Variants in MYO5B observed in about 807,000 individuals in gnomAD.
MYO5B encodes the protein myosin VB, also known as unconventional myosin-Vb.
Under a neutral mutation model 229.3 loss-of-function variants are expected in MYO5B, and 143 were observed. The ratio of observed to expected loss-of-function variants is 0.62; its 90% confidence interval spans 0.54 to 0.72. The LOEUF (loss-of-function observed/expected upper bound fraction) is 0.72, where lower values mean the gene tolerates loss of function less well. Among genes scored for constraint, MYO5B ranks in the 30% least tolerant of loss-of-function variants. The probability of loss-of-function intolerance (pLI) is 0.00; values close to 1 mark genes in which losing one functional copy is unlikely to be tolerated. For missense variants in MYO5B, 2,321 were observed against 2,331.0 expected (o/e 1.00, Z 0.09); for synonymous variants, 918 against 885.2 (o/e 1.04, Z -0.66).
Position 49,864,174 on chromosome 18 carries a change from G to C in MYO5B, c.3810C>G (p.Ser1270Arg), listed in dbSNP as rs762644280. The change falls in exon 28 of 40, where the codon AGC becomes AGG. Residue 1270 changes from serine (S) to arginine (R), a missense_variant. Ser to Arg is a moderately radical substitution (Grantham distance 110). Around this residue, in one of 2 missense-constraint regions of MYO5B, gnomAD observed 2,113 missense variants for 2,044.7 expected, o/e 1.03. Coordinates refer to ENST00000285039, the MANE Select transcript of MYO5B (RefSeq NM_001080467.3). ...EVLILRTQIV[S>R]ADQRRLAGRN... Reference sequence around the variant, plus strand: ...TGCCGGCGAGTCGCCGCTGGTCGGCGCTCACGATCTGGGTCCTGAGGATGA... The same window carrying C: ...TGCCGGCGAGTCGCCGCTGGTCGGCCCTCACGATCTGGGTCCTGAGGATGA... 6.8e-6 allele frequency: 11 copies of C among 1,611,544 alleles called. No individual in the cohort carries two copies. The highest frequency in any genetic ancestry group is 9.3e-6 in the Non-Finnish European group (11 of 1,179,996).
chr18:50,087,107 C>T lies in MYO5B; in HGVS notation c.28-31729G>A, dbSNP rs2031346531. ...CACTCCTCAATACCAGAACATGCAG[C>T]CATGGACATGTCCTATTTCAGCTCT... is the stretch of plus-strand genomic sequence containing the variant. On this transcript the variant is annotated intron_variant, in intron 1 of 39. Transcript: ENST00000285039. Among the ~76,000 whole-genome samples the T allele has an allele frequency of 2.0e-5, 3 of 152,268 alleles. No individual in the cohort carries two copies. The South Asian group carries it at 6.2e-4, about 32-fold the overall frequency.
intron 1 of MYO5B, among the ~76,000 whole-genome samples, chr18:50,158,772 C>A (rs756919113): frequency 6.6e-6 from 1 of 152,186 alleles, no homozygotes; most frequent in Non-Finnish European, 1.5e-5. Flanking sequence ...CCATTATGGT[C>A]TCCCTAAGGA....
intron 15 of MYO5B, 65 bp downstream of exon 15, chr18:49,937,180 T>G (rs2025259986): frequency 1.3e-6 from 2 of 1,588,080 alleles, no homozygotes; most frequent in Non-Finnish European, 1.7e-6. Context: ...GCCGCCATCC[T>G]TCATCTACAG....
At chr18:49,840,065 C>T (rs914463319) in intron 35 of MYO5B, 1 of 152,974 alleles carries the variant, frequency 6.5e-6, no homozygotes, top group African/African-American at 2.4e-5. Flanking sequence ...ATCATTCTTC[C>T]TTGTTATTTG....
At position 50,041,914 on chromosome 18, in the gene MYO5B, A is replaced by G. The variant is rs72913887; in HGVS notation, c.139-1600T>C. On this transcript the variant is annotated intron_variant, in intron 2 of 39. Transcript: ENST00000285039. Reference sequence around the variant, plus strand: ...CTTAATATACAAAGAGTTATAAGAAATTAAAAAGAAAACCAACACCCCAAC... The same window carrying G: ...CTTAATATACAAAGAGTTATAAGAAGTTAAAAAGAAAACCAACACCCCAAC... Among the ~76,000 whole-genome samples the G allele has an allele frequency of 4.5e-3, 680 of 152,318 alleles. 3 individuals are homozygous for G. The highest frequency in any genetic ancestry group is 7.7e-3 in the Non-Finnish European group (523 of 68,008).
chr18:50,188,938 C>G (rs1032809099), intron 1 of MYO5B, among the ~76,000 whole-genome samples: 1 of 152,096 alleles, frequency 6.6e-6, no homozygotes, highest in Non-Finnish European at 1.5e-5. Flanking sequence ...TTCTGATGAT[C>G]GCCAACATGG....
chr18:49,901,299 A>G (rs1338593569), intron 21 of MYO5B, among the ~76,000 whole-genome samples: 1 of 152,170 alleles, frequency 6.6e-6, no homozygotes, highest in Admixed American at 6.5e-5. Flanking sequence ...GGCCACCAAA[A>G]AGTGGGGGTC....
Position 49,826,282 on chromosome 18 carries a change from T to G in MYO5B, c.*189A>C. On this transcript the variant is annotated 3_prime_UTR_variant, in exon 40 of 40. Coordinates refer to ENST00000285039, the MANE Select transcript of MYO5B (RefSeq NM_001080467.3). ...TTCCATATTTCAAGTGTTTTTATTC[T>G]GAGCAGTAGGTACAAAAAATAATGA... The G allele has an allele frequency of 5.9e-6, 4 of 678,066 alleles. No individual in the cohort carries two copies. Among genetic ancestry groups the G allele is most frequent in the Non-Finnish European group, 9.9e-6 (4 of 405,730 alleles). 42.0% of individuals were successfully genotyped at this position (678,066 alleles called of 1,614,324 possible).
At chr18:49,941,858 C>T (rs540558038) in intron 14 of MYO5B, among the ~76,000 whole-genome samples, 1 of 145,034 alleles carries the variant, frequency 6.9e-6, no homozygotes, top group South Asian at 2.2e-4. Context: ...AAAAAAGAGC[C>T]CGCATTGCCA....
intron 1 of MYO5B, among the ~76,000 whole-genome samples, chr18:50,164,201 G>A (rs917571476): frequency 2.6e-5 from 4 of 152,154 alleles, no homozygotes; most frequent in African/African-American, 7.2e-5. Context: ...AACTTTGGGC[G>A]CCTTTCGCAT....
At position 50,184,935 on chromosome 18, in the gene MYO5B, G is replaced by A. The variant is rs570772059; in HGVS notation, c.27+9832C>T. Among the ~76,000 whole-genome samples the A allele has an allele frequency of 5.3e-5, 8 of 149,910 alleles. No homozygotes were observed. In the East Asian group the frequency reaches 1.6e-3, roughly 29 times the overall value. On this transcript the variant is annotated intron_variant, in intron 1 of 39. Transcript: ENST00000285039. Reference sequence around the variant, plus strand: ...ATATATATTATTTTTAAGTTAGCTGGGCATGGTGTCGCATGCCTGTTCCCA... The same window carrying A: ...ATATATATTATTTTTAAGTTAGCTGAGCATGGTGTCGCATGCCTGTTCCCA...
chr18:49,961,735 T>TA (rs2082570059), intron 12 of MYO5B, among the ~76,000 whole-genome samples: 1 of 152,180 alleles, frequency 6.6e-6, no homozygotes, highest in African/African-American at 2.4e-5. Context: ...CCAGATCCTC[T>TA]AAACCTTACC....
chr18:50,086,112 C>G (rs1241765758), intron 1 of MYO5B, among the ~76,000 whole-genome samples: 1 of 152,036 alleles, frequency 6.6e-6, no homozygotes, highest in Non-Finnish European at 1.5e-5. Flanking sequence ...ATATGGCAGA[C>G]TTTTTGAAGT....
At chr18:49,890,681 G>A (rs2024702017) in intron 22 of MYO5B, among the ~76,000 whole-genome samples, 1 of 152,132 alleles carries the variant, frequency 6.6e-6, no homozygotes, top group African/African-American at 2.4e-5. Flanking sequence ...GGGAAAACTG[G>A]TTGGACAATG....
intron 37 of MYO5B, 90 bp from the exon 38 acceptor site, chr18:49,836,975 C>CAAA: frequency 1.6e-6 from 2 of 1,218,692 alleles, no homozygotes; most frequent in Non-Finnish European, 2.4e-6. Flanking sequence ...AGGCCCGCTG[C>CAAA]AGCTAGTGCC....
At chr18:50,123,582 TA>T in intron 1 of MYO5B, among the ~76,000 whole-genome samples, 1 of 151,508 alleles carries the variant, frequency 6.6e-6, no homozygotes, top group African/African-American at 2.4e-5. Flanking sequence ...TAAATAAAAA[TA>T]AAAAAAACTA....
rs1165268217 is a variant in MYO5B at position 49,824,141 on chromosome 18, TTGAAA to T, written c.*2325_*2329del. The T allele has an allele frequency of 2.6e-5, 4 of 152,548 alleles. No individual in the cohort carries two copies. Among genetic ancestry groups the T allele is most frequent in the South Asian group, 2.1e-4 (1 of 4,828 alleles). 9.4% of individuals were successfully genotyped at this position (152,548 alleles called of 1,614,324 possible). ...TTCATGACACTGATAAATGTTTGAA[TTGAAA>T]TGATTTTTTAAAATGCAGAGAAAAT... On this transcript the variant is annotated 3_prime_UTR_variant, in exon 40 of 40. Coordinates refer to ENST00000285039, the MANE Select transcript of MYO5B (RefSeq NM_001080467.3).
chr18:50,137,433 G>C (rs2032352993), intron 1 of MYO5B, among the ~76,000 whole-genome samples: 1 of 152,180 alleles, frequency 6.6e-6, no homozygotes, highest in Non-Finnish European at 1.5e-5. Context: ...AAGGAACCTA[G>C]ACAAGGTCCT....
intron 27 of MYO5B, chr18:49,871,582 A>G (rs1462702548): frequency 1.3e-5 from 2 of 157,606 alleles, no homozygotes; most frequent in African/African-American, 4.8e-5. Context: ...CAGCAGTAAG[A>G]CAGGGGAAGG....
Sources: allele counts gnomAD v4.1 joint callset (sites outside exome capture counted in the v4.1 genomes callset), GRCh38; gene constraint gnomAD v4.1.1; regional missense constraint gnomAD v4.1.1; transcripts MANE v1.5; gene names NCBI Gene and HGNC (gene_info 2026-07-23, HGNC 2026-07-21).